The following NAALADL2 variants were observed in gnomAD, a reference collection of about 807,000 sequenced individuals.
NAALADL2 encodes the protein N-acetylated alpha-linked acidic dipeptidase like 2.
In NAALADL2, 76 loss-of-function variants were observed where a neutral mutation model predicts 87.2. The observed-to-expected ratio is 0.87, with a 90% confidence interval of 0.72 to 1.05. The LOEUF (loss-of-function observed/expected upper bound fraction) is 1.05, where lower values mean the gene tolerates loss of function less well. NAALADL2 is among the 50% of genes least tolerant of loss of function. The pLI is 0.00. For synonymous variants in NAALADL2, 354 were observed against 331.0 expected (o/e 1.07, Z -0.75); for missense variants, 1,089 against 945.8 (o/e 1.15, Z -1.99).
chr3:175,159,335 A>G (rs1438424348), intron 2 of NAALADL2, among the ~76,000 whole-genome samples: 1 of 152,184 alleles, frequency 6.6e-6, no homozygotes, highest in African/African-American at 2.4e-5. Context: ...GTATATTTGC[A>G]GCAAAAAGCA....
chr3:175,341,520 C>T (rs955091502), intron 5 of NAALADL2, among the ~76,000 whole-genome samples: 3 of 152,030 alleles, frequency 2.0e-5, no homozygotes, highest in African/African-American at 7.2e-5. Context: ...TGGGCATGTA[C>T]CTAAGAGTAG....
intron 1 of NAALADL2, among the ~76,000 whole-genome samples, chr3:174,533,319 A>G (rs571980001): frequency 2.9e-4 from 44 of 151,836 alleles, no homozygotes; most frequent in Admixed American, 1.4e-3. Flanking sequence ...CGAGTGTTCA[A>G]TTTCCTTGGG....
intron 1 of NAALADL2, among the ~76,000 whole-genome samples, chr3:175,003,780 A>G (rs1399446147): frequency 1.3e-5 from 2 of 152,238 alleles, no homozygotes; most frequent in South Asian, 2.1e-4. Context: ...TGAAGATGAC[A>G]TCATTAACAC....
intron 1 of NAALADL2, among the ~76,000 whole-genome samples, chr3:174,996,324 C>T (rs997209172): frequency 2.0e-5 from 3 of 148,790 alleles, no homozygotes; most frequent in Non-Finnish European, 4.4e-5. Flanking sequence ...GGTGAAACCC[C>T]GTCTCTGCTA....
chr3:174,764,285 A>T (rs1194502581), intron 3 of NAALADL2, among the ~76,000 whole-genome samples: 1 of 152,186 alleles, frequency 6.6e-6, no homozygotes, highest in African/African-American at 2.4e-5. Context: ...AAGCTAGGTA[A>T]CTTTTGTGTA....
At chr3:174,873,351 TTCAAGTGATTCTCCTGCC>T (rs1192107260) in intron 1 of NAALADL2, among the ~76,000 whole-genome samples, 1 of 151,868 alleles carries the variant, frequency 6.6e-6, no homozygotes, top group Non-Finnish European at 1.5e-5. Context: ...GCCTCCCGGG[TTCAAGTGATTCTCCTGCC>T]TCAGCCTCCT....
intron 11 of NAALADL2, among the ~76,000 whole-genome samples, chr3:175,720,134 T>C (rs1341852931): frequency 6.6e-6 from 1 of 152,200 alleles, no homozygotes; most frequent in Non-Finnish European, 1.5e-5. Context: ...ACAGAACTAT[T>C]CACAATAAAA....
intron 1 of NAALADL2, among the ~76,000 whole-genome samples, chr3:175,071,909 A>AT (rs1239909071): frequency 2.0e-5 from 3 of 152,004 alleles, no homozygotes; most frequent in Admixed American, 1.3e-4. Flanking sequence ...ACTCTCTGGT[A>AT]TTTTTTTCAT....
intron 3 of NAALADL2, among the ~76,000 whole-genome samples, chr3:175,252,510 G>A (rs527640396): frequency 6.6e-6 from 1 of 151,940 alleles, no homozygotes; most frequent in East Asian, 1.9e-4. Context: ...CCCTCTCCTG[G>A]GCCTCTGTAT....
At chr3:174,794,090 A>T (rs953634617) in intron 3 of NAALADL2, among the ~76,000 whole-genome samples, 1 of 152,114 alleles carries the variant, frequency 6.6e-6, no homozygotes, top group Middle Eastern at 3.2e-3. Context: ...AAGTAGCAAG[A>T]AACCCAGTTT....
chr3:174,809,533 G>T (rs1444547936), intron 3 of NAALADL2, among the ~76,000 whole-genome samples: 1 of 152,080 alleles, frequency 6.6e-6, no homozygotes, highest in African/African-American at 2.4e-5. Flanking sequence ...AAGCTGCTAA[G>T]AATTTGGGGG....
At chr3:174,441,747 C>A (rs1406061459) in intron 1 of NAALADL2, among the ~76,000 whole-genome samples, 4 of 113,010 alleles carry the variant, frequency 3.5e-5, no homozygotes, top group Admixed American at 8.9e-5. Context: ...TTTCATTTTT[C>A]CTTTGTATTG....
chr3:175,100,906 A>G (rs1424980806), intron 2 of NAALADL2, among the ~76,000 whole-genome samples: 1 of 151,830 alleles, frequency 6.6e-6, no homozygotes, highest in Non-Finnish European at 1.5e-5. Flanking sequence ...ACGGCAAATC[A>G]TATTTCAATG....
intron 1 of NAALADL2, among the ~76,000 whole-genome samples, chr3:174,983,070 T>C (rs1404077312): frequency 6.6e-6 from 1 of 152,168 alleles, no homozygotes; most frequent in Non-Finnish European, 1.5e-5. Flanking sequence ...AGTGCTGGGA[T>C]TACAGGCGTG....
intron 2 of NAALADL2, among the ~76,000 whole-genome samples, chr3:175,105,023 C>T (rs1206004903): frequency 6.6e-6 from 1 of 152,146 alleles, no homozygotes; most frequent in African/African-American, 2.4e-5. Flanking sequence ...AAGCAGCACC[C>T]ACCAATGGGA....
At chr3:174,593,304 G>A (rs1477380578) in intron 2 of NAALADL2, among the ~76,000 whole-genome samples, 2 of 152,084 alleles carry the variant, frequency 1.3e-5, no homozygotes, top group African/African-American at 4.8e-5. Flanking sequence ...AACTATTAGC[G>A]AATATTTTCT....
At position 174,944,438 on chromosome 3, in the gene NAALADL2, C is replaced by A. The variant is rs145502400; in HGVS notation, c.43+84988C>A. ...CAAAGATGTTGGCCCACCCCTCCCC[C>A]GGGAGCTCTGTCTCAGGGAGGTACA... On this transcript the variant is annotated intron_variant, in intron 1 of 13. Coordinates refer to ENST00000454872, the MANE Select transcript of NAALADL2 (RefSeq NM_207015.3). Among the ~76,000 whole-genome samples the A allele has an allele frequency of 7.9e-5, 12 of 152,248 alleles. No homozygotes were observed. The East Asian group carries it at 2.3e-3, about 30-fold the overall frequency.
intron 1 of NAALADL2, among the ~76,000 whole-genome samples, chr3:175,017,664 T>C (rs1668359718): frequency 6.6e-6 from 1 of 152,104 alleles, no homozygotes; most frequent in South Asian, 2.1e-4. Context: ...AATAGAAATA[T>C]GCCAGTCTCT....
chr3:174,461,974 T>G (rs1169875244), intron 1 of NAALADL2, among the ~76,000 whole-genome samples: 2 of 152,064 alleles, frequency 1.3e-5, no homozygotes, highest in Non-Finnish European at 2.9e-5. Context: ...AGATGGATAT[T>G]GTGTGTTCTT....
Sources: gnomAD v4.1 joint callset for allele counts (sites outside exome capture counted in the v4.1 genomes callset) on GRCh38, gnomAD v4.1.1 for gene constraint, MANE v1.5 for transcripts, NCBI Gene and HGNC (gene_info 2026-07-23, HGNC 2026-07-21) for gene names.